Variants in TBC1D12 observed in about 807,000 individuals in gnomAD.
TBC1D12 encodes the protein TBC1 domain family member 12, also known as TBC1 domain family, member 12.
A neutral mutation model predicts 86.7 loss-of-function variants in TBC1D12; 56 were observed. That is an observed-to-expected ratio of 0.65 (90% CI 0.52 to 0.81). TBC1D12 has a LOEUF of 0.81. Among genes scored for constraint, TBC1D12 ranks in the 30% least tolerant of loss-of-function variants. The pLI is 0.00. For missense variants in TBC1D12, 1,023 were observed against 1,038.8 expected, an observed-to-expected ratio of 0.98 and a Z score of 0.21; for synonymous variants, 421 against 411.7, an observed-to-expected ratio of 1.02 and a Z score of -0.27.
Position 94,403,101 on chromosome 10 carries a change from C to T in TBC1D12, c.488C>T (p.Ser163Leu). The change falls in exon 1 of 13, where the codon TCG becomes TTG. Residue 163 changes from serine to leucine, a missense_variant. Coordinates refer to ENST00000225235, the MANE Select transcript of TBC1D12 (RefSeq NM_015188.2). ...CTGGCGCGCGCCGGCGGCCGGGAGT[C>T]GCGCCGCCGCCGCCCCTACGGCCGC... ...RGLARAGGRE[S>L]RRRRPYGRLR... 2.1e-6 allele frequency: 3 copies of T among 1,397,128 alleles called. No homozygotes were observed. Among genetic ancestry groups the T allele is most frequent in the Non-Finnish European group, 2.8e-6 (3 of 1,080,616 alleles). 86.5% of individuals were successfully genotyped at this position (1,397,128 alleles called of 1,614,324 possible).
In TBC1D12 at chr10:94,502,679, G is replaced by T. The variant is rs1193375321; in HGVS notation, c.1519+2352G>T. Among the ~76,000 whole-genome samples, 3 of 152,170 alleles carry T rather than the reference G, an allele frequency of 2.0e-5. No individual in the cohort carries two copies. The East Asian group carries it at 5.8e-4, about 29-fold the overall frequency. ...TGCACTCCAGCCTGGGCGACAGAGTGAGACCCTGTCTCTAAATAAATAAAT... is the reference window on the plus strand; with the variant it reads ...TGCACTCCAGCCTGGGCGACAGAGTTAGACCCTGTCTCTAAATAAATAAAT... On this transcript the variant is annotated intron_variant, in intron 6 of 12. Coordinates refer to ENST00000225235, the MANE Select transcript of TBC1D12 (RefSeq NM_015188.2).
intron 8 of TBC1D12, among the ~76,000 whole-genome samples, chr10:94,510,975 C>G (rs924608477): frequency 6.6e-6 from 1 of 151,654 alleles, no homozygotes; most frequent in Non-Finnish European, 1.5e-5. Context: ...AGTGTGTATT[C>G]ATCATACCCT....
intron 1 of TBC1D12, among the ~76,000 whole-genome samples, chr10:94,420,134 C>G (rs1214969712): frequency 6.6e-6 from 1 of 152,058 alleles, no homozygotes; most frequent in East Asian, 1.9e-4. Context: ...ATGAGTTCAT[C>G]AGGGTGGGAC....
chr10:94,535,116 T>G lies in TBC1D12; in HGVS notation c.*2020T>G, dbSNP rs1234611840. The G allele has an allele frequency of 2.6e-5, 4 of 152,132 alleles. No homozygotes were observed. Among genetic ancestry groups the G allele is most frequent in the African/African-American group, 9.7e-5 (4 of 41,436 alleles). 9.4% of individuals were successfully genotyped at this position (152,132 alleles called of 1,614,324 possible). On this transcript the variant is annotated 3_prime_UTR_variant, in exon 13 of 13. Coordinates refer to ENST00000225235, the MANE Select transcript of TBC1D12 (RefSeq NM_015188.2). ...TAGTCAACAGCAATGTCAGAACAAT[T>G]GACATTGTCTTTCCAAGAGTGAATG...
intron 1 of TBC1D12, among the ~76,000 whole-genome samples, chr10:94,420,924 A>G (rs1367149830): frequency 2.0e-5 from 3 of 152,342 alleles, no homozygotes; most frequent in East Asian, 3.9e-4. Context: ...TGATACATGT[A>G]TGCATTGTGG....
chr10:94,456,028 A>G (rs1365354629), intron 2 of TBC1D12, among the ~76,000 whole-genome samples: 2 of 151,780 alleles, frequency 1.3e-5, no homozygotes, highest in African/African-American at 2.4e-5. Context: ...TGATGTCTCT[A>G]CTTTCATTTC....
chr10:94,498,845 C>T (rs188949600), intron 5 of TBC1D12, among the ~76,000 whole-genome samples: 81 of 151,872 alleles, frequency 5.3e-4, no homozygotes, highest in African/African-American at 1.7e-3. Context: ...CAAGGCTCAC[C>T]GCAACCCCGA....
chr10:94,413,559 G>A (rs1212888144), intron 1 of TBC1D12, among the ~76,000 whole-genome samples: 1 of 151,940 alleles, frequency 6.6e-6, no homozygotes, highest in Non-Finnish European at 1.5e-5. Flanking sequence ...TATTTCTGTG[G>A]CCAAAATAAG....
intron 1 of TBC1D12, among the ~76,000 whole-genome samples, chr10:94,410,476 G>C (rs766332895): frequency 2.6e-5 from 4 of 152,070 alleles, no homozygotes; most frequent in Non-Finnish European, 5.9e-5. Flanking sequence ...CCTGAGCTCA[G>C]GTGATCTGCT....
intron 12 of TBC1D12, 46 bp downstream of exon 12, chr10:94,531,506 G>T: frequency 6.7e-7 from 1 of 1,499,570 alleles, no homozygotes; most frequent in South Asian, 1.4e-5. Flanking sequence ...TAAAGCAGTT[G>T]ACTTATTGTA....
Position 94,471,642 on chromosome 10 carries a change from C to T in TBC1D12, c.1096-3026C>T, listed in dbSNP as rs1315578640. Among the ~76,000 whole-genome samples the T allele has an allele frequency of 2.6e-5, 4 of 152,144 alleles. No individual in the cohort carries two copies. In the South Asian group the frequency reaches 6.2e-4, roughly 24 times the overall value. On this transcript the variant is annotated intron_variant, in intron 2 of 12. Transcript: ENST00000225235. ...GTACCCATCATTTTTGCTCCAGTTC[C>T]GATCCCACCTCTTAGTAAGATCTTT...
Position 94,441,938 on chromosome 10 carries a change from C to A in TBC1D12, c.1014C>A (p.Val338=). 6.2e-7 allele frequency: 1 copy of A among 1,613,250 alleles called. No individual in the cohort carries two copies. Among genetic ancestry groups the A allele is most frequent in the Non-Finnish European group, 8.5e-7 (1 of 1,179,586 alleles). The change falls in exon 2 of 13, where the codon GTC becomes GTA. Residue 338 remains valine, a synonymous_variant. Transcript: ENST00000225235. ...PKRTKELKSV[V]HSAPGWKLFG... ...GGACAAAGGAACTCAAATCAGTTGT[C>A]CATAGTGCTCCTGGTTGGAAATTAT...
At chr10:94,487,648 TA>T (rs1564972281) in intron 3 of TBC1D12, among the ~76,000 whole-genome samples, 1 of 151,712 alleles carries the variant, frequency 6.6e-6, no homozygotes, top group East Asian at 1.9e-4. Context: ...TTCACTTTTT[TA>T]AAAAAACTTT....
chr10:94,486,515 T>C (rs1019778241), intron 3 of TBC1D12, among the ~76,000 whole-genome samples: 2 of 152,140 alleles, frequency 1.3e-5, no homozygotes, highest in Admixed American at 1.3e-4. Context: ...TTAACATTTG[T>C]TTCAAAATAT....
intron 3 of TBC1D12, among the ~76,000 whole-genome samples, chr10:94,479,891 A>G (rs2056050636): frequency 6.6e-6 from 1 of 152,226 alleles, no homozygotes; most frequent in Non-Finnish European, 1.5e-5. Flanking sequence ...CAGTGCTAGT[A>G]TGGTGGCTCC....
At chr10:94,464,494 C>T (rs769545771) in intron 2 of TBC1D12, among the ~76,000 whole-genome samples, 2 of 152,166 alleles carry the variant, frequency 1.3e-5, no homozygotes, top group Admixed American at 6.5e-5. Flanking sequence ...GAGACAAAGT[C>T]TGGCTCTATT....
chr10:94,406,087 A>G (rs1258774186), intron 1 of TBC1D12, among the ~76,000 whole-genome samples: 1 of 152,234 alleles, frequency 6.6e-6, no homozygotes, highest in East Asian at 1.9e-4. Context: ...CTGGGATTAC[A>G]GGTGTGAACC....
chr10:94,447,768 A>C, intron 2 of TBC1D12: 1 of 746,690 alleles, frequency 1.3e-6, no homozygotes, highest in Non-Finnish European at 1.6e-6. Flanking sequence ...TTTCTAAATT[A>C]GTAGGTAAAG....
intron 6 of TBC1D12, among the ~76,000 whole-genome samples, chr10:94,504,096 A>G: frequency 6.6e-6 from 1 of 152,238 alleles, no homozygotes; most frequent in East Asian, 1.9e-4. Context: ...ATGTTTTTAA[A>G]TTATAGTCAG....
Sources: gnomAD v4.1 joint callset for allele counts (sites outside exome capture counted in the v4.1 genomes callset) on GRCh38, gnomAD v4.1.1 for gene constraint, MANE v1.5 for transcripts, NCBI Gene and HGNC (gene_info 2026-07-23, HGNC 2026-07-21) for gene names.